The following ROBO1 variants were observed in gnomAD, a reference collection of about 807,000 sequenced individuals.
ROBO1 encodes the protein roundabout guidance receptor 1.
ROBO1 carries 149 observed loss-of-function variants against 195.9 expected under a neutral mutation model. The observed-to-expected ratio is 0.76, with a 90% CI of 0.67 to 0.87. ROBO1 has a LOEUF of 0.87. Among genes scored for constraint, ROBO1 ranks in the 40% least tolerant of loss-of-function variants. ROBO1 has a pLI of 0.00. For missense variants in ROBO1, 1,933 were observed against 2,068.3 expected (o/e 0.93, Z 1.27); for synonymous variants, 816 against 733.2 (o/e 1.11, Z -1.82).
chr3:79,322,272 AG>A (rs2034013662), intron 2 of ROBO1, among the ~76,000 whole-genome samples: 1 of 152,160 alleles, frequency 6.6e-6, no homozygotes, highest in Admixed American at 6.6e-5. Flanking sequence ...AGGTTAAAGG[AG>A]GGCAAAATCT....
chr3:79,047,644 C>A (rs1278712743), intron 3 of ROBO1, among the ~76,000 whole-genome samples: 9 of 151,976 alleles, frequency 5.9e-5, no homozygotes, highest in Non-Finnish European at 8.8e-5. Flanking sequence ...TGTTACATAG[C>A]CATACACATT....
At chr3:79,748,475 G>C (rs1397270385) in intron 1 of ROBO1, among the ~76,000 whole-genome samples, 1 of 152,040 alleles carries the variant, frequency 6.6e-6, no homozygotes, top group African/African-American at 2.4e-5. Context: ...TTAAATTATG[G>C]TGTTTAAACC....
intron 3 of ROBO1, among the ~76,000 whole-genome samples, chr3:79,125,134 C>T (rs1472817907): frequency 6.6e-6 from 1 of 150,476 alleles, no homozygotes; most frequent in African/African-American, 2.4e-5. Flanking sequence ...ATGATAAAAA[C>T]TTAGTCAAAT....
At position 79,372,093 on chromosome 3, in the gene ROBO1, G is replaced by C. The variant is rs547565553; in HGVS notation, c.88+217731C>G. ...GAGGCAGAGCTCAGTGGGTAATGCTGATTCACCTGTCACCTGCCACTTATC... is the reference window on the plus strand; with the variant it reads ...GAGGCAGAGCTCAGTGGGTAATGCTCATTCACCTGTCACCTGCCACTTATC... On this transcript the variant is annotated intron_variant, in intron 2 of 30. Transcript: ENST00000464233. 3.9e-5 allele frequency among the ~76,000 whole-genome samples: 6 copies of C among 152,184 alleles called. No homozygotes were observed. The South Asian group carries it at 1.2e-3, about 32-fold the overall frequency.
intron 2 of ROBO1, among the ~76,000 whole-genome samples, chr3:79,421,054 A>T (rs748046776): frequency 6.6e-6 from 1 of 152,132 alleles, no homozygotes; most frequent in Non-Finnish European, 1.5e-5. Context: ...AAAAAGAAAT[A>T]GAGAATGTCC....
chr3:79,074,268 T>G (rs2079134647), intron 3 of ROBO1, among the ~76,000 whole-genome samples: 1 of 151,942 alleles, frequency 6.6e-6, no homozygotes. Flanking sequence ...GATTTTTCCC[T>G]TTGTTTCAGG....
chr3:79,605,776 T>C (rs555266250), intron 1 of ROBO1, among the ~76,000 whole-genome samples: 6 of 152,094 alleles, frequency 3.9e-5, no homozygotes, highest in African/African-American at 7.2e-5. Context: ...GTCTTCAACA[T>C]ATCCACTTTA....
At chr3:78,893,661 C>T (rs1333559155) in intron 4 of ROBO1, among the ~76,000 whole-genome samples, 1 of 152,044 alleles carries the variant, frequency 6.6e-6, no homozygotes, top group Admixed American at 6.6e-5. Context: ...GAAATAACGT[C>T]TAAGTTAAAA....
chr3:78,839,247 AATT>A (rs765024893), intron 4 of ROBO1, among the ~76,000 whole-genome samples: 4 of 152,028 alleles, frequency 2.6e-5, no homozygotes, highest in Non-Finnish European at 5.9e-5. Context: ...TTTTTTTAAA[AATT>A]ATTACTACTA....
rs1427978705 is a variant in ROBO1, at chr3:78,597,971, A to C, written c.*942T>G. The stretch of plus-strand genomic sequence containing the variant: ...AAACCAAAAAAAAAAAAAAAAAGAG[A>C]GAGAGATTAAAAACAGTGCATTACA... On this transcript the variant is annotated 3_prime_UTR_variant, in exon 31 of 31. Transcript: ENST00000464233. 1 of 148,996 alleles carries C rather than the reference A, an allele frequency of 6.7e-6. No homozygotes were observed. The highest frequency in any genetic ancestry group is 1.5e-5 in the Non-Finnish European group (1 of 66,940). The allele number at this position is 148,996 out of a possible 1,614,324, so 9.2% of individuals were successfully genotyped here. A position where few individuals can be genotyped will look rare whatever the true frequency, so the allele number is the denominator to read the frequency against.
At chr3:78,858,334 CTG>C (rs2034575749) in intron 4 of ROBO1, among the ~76,000 whole-genome samples, 3 of 152,134 alleles carry the variant, frequency 2.0e-5, no homozygotes, top group African/African-American at 7.2e-5. Flanking sequence ...CAAAGGCAGA[CTG>C]TTGATGATGA....
chr3:79,459,158 G>A (rs899912412), intron 2 of ROBO1, among the ~76,000 whole-genome samples: 1 of 151,326 alleles, frequency 6.6e-6, no homozygotes. Context: ...TGTATACCTT[G>A]CTTACAATAA....
At chr3:79,292,735 C>A (rs903883333) in intron 2 of ROBO1, among the ~76,000 whole-genome samples, 2 of 152,096 alleles carry the variant, frequency 1.3e-5, no homozygotes, top group African/African-American at 4.8e-5. Context: ...CCAACTTGAT[C>A]GTGGTGGATA....
chr3:79,135,598 G>A (rs2080390798), intron 2 of ROBO1, among the ~76,000 whole-genome samples: 1 of 151,608 alleles, frequency 6.6e-6, no homozygotes, highest in Non-Finnish European at 1.5e-5. Context: ...GGGAGAAAGA[G>A]ATACAGCAAA....
chr3:79,239,106 G>A (rs2082465954), intron 2 of ROBO1, among the ~76,000 whole-genome samples: 1 of 152,100 alleles, frequency 6.6e-6, no homozygotes, highest in African/African-American at 2.4e-5. Flanking sequence ...ACAACCAGTA[G>A]GTCTGAATTA....
chr3:79,043,217 C>T, intron 3 of ROBO1, among the ~76,000 whole-genome samples: 1 of 152,094 alleles, frequency 6.6e-6, no homozygotes, highest in East Asian at 1.9e-4. Context: ...TAGCTTAATA[C>T]AGTACAAAAA....
intron 2 of ROBO1, among the ~76,000 whole-genome samples, chr3:79,484,841 T>C (rs1939074322): frequency 7.1e-6 from 1 of 141,550 alleles, no homozygotes; most frequent in Non-Finnish European, 1.5e-5. Context: ...GCAAGCTCTA[T>C]CTCCCAGGTT....
chr3:78,611,848 C>G (rs1316271115), intron 28 of ROBO1, among the ~76,000 whole-genome samples: 1 of 152,140 alleles, frequency 6.6e-6, no homozygotes, highest in Non-Finnish European at 1.5e-5. Context: ...GGGGGAAGAT[C>G]AGGTGAAGCA....
At chr3:79,224,950 G>A (rs1450257893) in intron 2 of ROBO1, among the ~76,000 whole-genome samples, 2 of 152,144 alleles carry the variant, frequency 1.3e-5, no homozygotes, top group African/African-American at 2.4e-5. Context: ...TGAAGCTGAG[G>A]AGGAGGACGG....
Sources: allele counts gnomAD v4.1 joint callset (sites outside exome capture counted in the v4.1 genomes callset), GRCh38; gene constraint gnomAD v4.1.1; transcripts MANE v1.5; gene names NCBI Gene and HGNC (gene_info 2026-07-23, HGNC 2026-07-21).